Variants in FRMD5 observed in about 807,000 individuals in gnomAD.
FRMD5 encodes FERM domain containing 5, also known as FERM domain-containing protein 5.
A neutral mutation model predicts 69.0 loss-of-function variants in FRMD5; 20 were observed. The observed-to-expected ratio is 0.29, with a 90% confidence interval of 0.20 to 0.42. FRMD5 has a LOEUF of 0.42. Among genes scored for constraint, FRMD5 ranks in the 10% least tolerant of loss-of-function variants. The pLI, the probability that FRMD5 is intolerant of heterozygous loss-of-function variation, is 1.00. For synonymous variants in FRMD5, 271 were observed against 260.1 expected (o/e 1.04, Z -0.40); for missense variants, 595 against 708.6 (o/e 0.84, Z 1.82).
At chr15:43,985,636 G>A (rs1889359224) in intron 1 of FRMD5, among the ~76,000 whole-genome samples, 1 of 152,190 alleles carries the variant, frequency 6.6e-6, no homozygotes, top group South Asian at 2.1e-4. Flanking sequence ...ATAAGGATGA[G>A]CTGGCTGGGT....
chr15:43,896,951 T>C (rs1000535853), intron 7 of FRMD5, among the ~76,000 whole-genome samples: 2 of 152,024 alleles, frequency 1.3e-5, no homozygotes, highest in African/African-American at 4.8e-5. Flanking sequence ...ACACTTAAAC[T>C]TGGCCACAAT....
chr15:43,979,415 A>G (rs912670499), intron 1 of FRMD5, among the ~76,000 whole-genome samples: 1 of 152,082 alleles, frequency 6.6e-6, no homozygotes, highest in African/African-American at 2.4e-5. Context: ...TTATAGGCAG[A>G]TATTGATCCA....
intron 1 of FRMD5, among the ~76,000 whole-genome samples, chr15:44,182,813 T>C (rs1052448582): frequency 1.9e-4 from 29 of 152,094 alleles, no homozygotes; most frequent in Admixed American, 3.3e-4. Flanking sequence ...TTTCATTTTT[T>C]GAGACGGAGT....
chr15:44,196,752 T>TC (rs1566999527), upstream of FRMD5, among the ~76,000 whole-genome samples: 41 of 72,002 alleles, frequency 5.7e-4, no homozygotes, highest in East Asian at 2.5e-3. Context: ...CTCTCTCTCT[T>TC]TCTCTCTCTC....
chr15:44,066,070 G>T (rs1209417930), intron 1 of FRMD5, among the ~76,000 whole-genome samples: 1 of 152,114 alleles, frequency 6.6e-6, no homozygotes, highest in African/African-American at 2.4e-5. Flanking sequence ...GCTCTGATTT[G>T]CTGTAAAGCT....
chr15:43,933,345 A>C (rs1217443273), intron 1 of FRMD5, among the ~76,000 whole-genome samples: 1 of 152,190 alleles, frequency 6.6e-6, no homozygotes, highest in East Asian at 1.9e-4. Context: ...ACTCCGGACC[A>C]TTGGTTCTCA....
At chr15:43,984,577 A>G (rs890867238) in intron 1 of FRMD5, among the ~76,000 whole-genome samples, 1 of 152,224 alleles carries the variant, frequency 6.6e-6, no homozygotes, top group African/African-American at 2.4e-5. Context: ...ATCTCTCTTC[A>G]GATATTATTG....
At chr15:43,905,688 TACATC>T in intron 6 of FRMD5, 135 bp downstream of exon 6, 1 of 1,034,184 alleles carries the variant, frequency 9.7e-7, no homozygotes, top group South Asian at 1.5e-5. Flanking sequence ...CTGACAATGG[TACATC>T]CGCGGTCAGG....
At chr15:44,036,300 C>T (rs1175882393) in intron 1 of FRMD5, among the ~76,000 whole-genome samples, 1 of 151,922 alleles carries the variant, frequency 6.6e-6, no homozygotes, top group African/African-American at 2.4e-5. Flanking sequence ...TAAGTTCCTT[C>T]AATTAGTCCC....
At chr15:44,017,698 C>T (rs1312468910) in intron 1 of FRMD5, among the ~76,000 whole-genome samples, 4 of 151,288 alleles carry the variant, frequency 2.6e-5, no homozygotes, top group Non-Finnish European at 4.4e-5. Context: ...CTCCGTCTCC[C>T]GGGTTCACGC....
At chr15:43,989,357 T>C (rs1037751668) in intron 1 of FRMD5, 1 of 785,842 alleles carries the variant, frequency 1.3e-6, no homozygotes, top group African/African-American at 1.7e-5. Context: ...TTGAAGGTAG[T>C]TTCATGGATG....
At chr15:44,179,756 G>T (rs1472922348) in intron 1 of FRMD5, among the ~76,000 whole-genome samples, 3 of 152,116 alleles carry the variant, frequency 2.0e-5, no homozygotes, top group Non-Finnish European at 2.9e-5. Flanking sequence ...TCCTCATTTG[G>T]CAAATAAGAG....
intron 1 of FRMD5, among the ~76,000 whole-genome samples, chr15:44,004,263 T>C (rs1380788677): frequency 6.6e-6 from 1 of 152,232 alleles, no homozygotes; most frequent in Non-Finnish European, 1.5e-5. Context: ...TAGTTTTTAT[T>C]TAACATGTAT....
At chr15:43,954,164 G>T (rs866929625) in intron 1 of FRMD5, among the ~76,000 whole-genome samples, 2 of 152,206 alleles carry the variant, frequency 1.3e-5, no homozygotes, top group Non-Finnish European at 2.9e-5. Context: ...TTCAGTTTGT[G>T]CATTTCTCAT....
At chr15:44,065,924 T>C (rs997429625) in intron 1 of FRMD5, among the ~76,000 whole-genome samples, 3 of 152,226 alleles carry the variant, frequency 2.0e-5, no homozygotes, top group African/African-American at 4.8e-5. Context: ...AAGGTGACTT[T>C]ATATCATTTT....
chr15:44,017,375 G>C (rs201840336), intron 1 of FRMD5, among the ~76,000 whole-genome samples: 1 of 151,436 alleles, frequency 6.6e-6, no homozygotes, highest in African/African-American at 2.4e-5. Flanking sequence ...CATGGCACCC[G>C]ACCTCTGATA....
intron 1 of FRMD5, among the ~76,000 whole-genome samples, chr15:43,944,117 A>T (rs2089906184): frequency 6.6e-6 from 1 of 152,216 alleles, no homozygotes. Flanking sequence ...GGTAATTTAT[A>T]AAGAAAGGAA....
intron 1 of FRMD5, among the ~76,000 whole-genome samples, chr15:44,147,056 C>G (rs2077367866): frequency 6.6e-6 from 1 of 152,172 alleles, no homozygotes; most frequent in Admixed American, 6.5e-5. Context: ...GTCATGAAAT[C>G]TTTGCCTGAG....
chr15:43,997,477 C>T (rs1889988246), intron 1 of FRMD5, among the ~76,000 whole-genome samples: 1 of 152,222 alleles, frequency 6.6e-6, no homozygotes, highest in South Asian at 2.1e-4. Flanking sequence ...TGGTTCATCT[C>T]ATTCCCTTCA....
Sources: allele counts gnomAD v4.1 joint callset (sites outside exome capture counted in the v4.1 genomes callset), GRCh38; gene constraint gnomAD v4.1.1; transcripts MANE v1.5; gene names NCBI Gene and HGNC (gene_info 2026-07-23, HGNC 2026-07-21).